TMEM132B: variants seen among roughly 807,000 people sequenced by gnomAD.
TMEM132B encodes the protein transmembrane protein 132B.
A neutral mutation model predicts 90.8 loss-of-function variants in TMEM132B; 18 were observed. The ratio of observed to expected loss-of-function variants is 0.20; its 90% CI spans 0.14 to 0.29. The LOEUF (loss-of-function observed/expected upper bound fraction) is 0.29. Ranked by LOEUF, TMEM132B falls within the 10% of genes least tolerant of loss-of-function variation. The probability of loss-of-function intolerance (pLI) is 1.00; values close to 1 mark genes in which losing one functional copy is unlikely to be tolerated. For missense variants in TMEM132B, 1,096 were observed against 1,326.8 expected (o/e 0.83, Z 2.70); for synonymous variants, 504 against 523.3 (o/e 0.96, Z 0.50).
Position 125,292,601 on chromosome 12 carries a change from A to G in TMEM132B, c.68-56851A>G, listed in dbSNP as rs150806596. Among the ~76,000 whole-genome samples, 356 of 152,358 alleles carry G rather than the reference A, an allele frequency of 2.3e-3. 1 individual carries two copies. The highest frequency in any genetic ancestry group is 0.01 in the Middle Eastern group (3 of 294). ...TGCAGTATCTGGGAGGGACAGCTTC[A>G]GGTATGGCTAAATCCAAGGACTCAA... On this transcript the variant is annotated intron_variant, in intron 1 of 8. Coordinates refer to ENST00000682704, the MANE Select transcript of TMEM132B (RefSeq NM_001366854.1).
chr12:125,254,621 T>A (rs1053760251), intron 1 of TMEM132B, among the ~76,000 whole-genome samples: 3 of 152,030 alleles, frequency 2.0e-5, no homozygotes, highest in African/African-American at 7.2e-5. Context: ...AATTGCGTAT[T>A]TGTTTAAGTG....
chr12:125,199,571 T>G (rs890212379), intron 1 of TMEM132B, among the ~76,000 whole-genome samples: 1 of 152,186 alleles, frequency 6.6e-6, no homozygotes, highest in African/African-American at 2.4e-5. Flanking sequence ...CTGTTCAGAT[T>G]GGGTTCATCA....
chr12:125,459,435 C>T lies in TMEM132B; in HGVS notation c.1106+43758C>T, dbSNP rs1469035299. On this transcript the variant is annotated intron_variant, in intron 3 of 8. Transcript: ENST00000682704. The surrounding 1 kb of genome is among the most constrained non-coding windows in gnomAD (Gnocchi z 4.1). Reference sequence around the variant, plus strand: ...GCCAGACACAGAAAGACAAACATTGCTTGTTCTCACTTATTTGTGGGATGT... The same window carrying T: ...GCCAGACACAGAAAGACAAACATTGTTTGTTCTCACTTATTTGTGGGATGT... 1.3e-5 allele frequency among the ~76,000 whole-genome samples: 2 copies of T among 152,080 alleles called. No homozygotes were observed. Among genetic ancestry groups the T allele is most frequent in the African/African-American group, 2.4e-5 (1 of 41,412 alleles).
chr12:125,492,586 CA>C lies in TMEM132B; in HGVS notation c.1107-26852del, dbSNP rs1168113280. Among the ~76,000 whole-genome samples, 1 of 152,128 alleles carries C rather than the reference CA, an allele frequency of 6.6e-6. No homozygotes were observed. Among genetic ancestry groups the C allele is most frequent in the African/African-American group, 2.4e-5 (1 of 41,414 alleles). ...CAGGACTCCTGGAGGCAGGTGCGTC[CA>C]GGGGCCCTGGGTGAGGAGGCTACGG... On this transcript the variant is annotated intron_variant, in intron 3 of 8. Coordinates refer to ENST00000682704, the MANE Select transcript of TMEM132B (RefSeq NM_001366854.1). The surrounding 1 kb of genome is among the most constrained non-coding windows in gnomAD (Gnocchi z 5.8).
intron 5 of TMEM132B, among the ~76,000 whole-genome samples, chr12:125,620,091 G>A (rs1431032712): frequency 6.6e-6 from 1 of 152,214 alleles, no homozygotes; most frequent in Non-Finnish European, 1.5e-5. Context: ...TAGTTGCGAT[G>A]TGTCAGCAGA....
intron 1 of TMEM132B, among the ~76,000 whole-genome samples, chr12:125,292,618 A>C (rs539890129): frequency 4.2e-4 from 64 of 152,344 alleles, no homozygotes; most frequent in African/African-American, 1.4e-3. Flanking sequence ...GCTAAATCCA[A>C]GGACTCAAAT....
At chr12:125,524,389 T>C (rs1313045398) in intron 4 of TMEM132B, among the ~76,000 whole-genome samples, 1 of 152,210 alleles carries the variant, frequency 6.6e-6, no homozygotes. Flanking sequence ...TCAATTATGA[T>C]TACCTTCGAG....
At chr12:125,576,980 A>T (rs1214859072) in intron 4 of TMEM132B, among the ~76,000 whole-genome samples, 14 of 146,348 alleles carry the variant, frequency 9.6e-5, no homozygotes, top group African/African-American at 1.0e-4. Flanking sequence ...TTTTTTTTTT[A>T]AATTAGGGTA....
intron 3 of TMEM132B, among the ~76,000 whole-genome samples, chr12:125,511,165 T>C (rs1882967858): frequency 6.6e-6 from 1 of 152,252 alleles, no homozygotes; most frequent in South Asian, 2.1e-4. Flanking sequence ...TATCCTCTCT[T>C]GTGACTGGCT....
intron 1 of TMEM132B, among the ~76,000 whole-genome samples, chr12:125,189,135 T>A (rs1957780346): frequency 1.3e-5 from 2 of 152,246 alleles, no homozygotes; most frequent in South Asian, 4.1e-4. Context: ...GTAGCTGCCA[T>A]GGTAAAGAGT....
intron 1 of TMEM132B, among the ~76,000 whole-genome samples, chr12:125,331,423 C>G (rs1245330395): frequency 2.6e-5 from 4 of 152,228 alleles, no homozygotes; most frequent in Non-Finnish European, 5.9e-5. Flanking sequence ...AGGGGAGGTG[C>G]TGTTTCTTTC....
intron 1 of TMEM132B, among the ~76,000 whole-genome samples, chr12:125,288,368 C>T (rs1187601413): frequency 6.8e-6 from 1 of 147,918 alleles, no homozygotes; most frequent in Non-Finnish European, 1.5e-5. Flanking sequence ...GAGGCTGAGG[C>T]AGGAGAATAG....
At chr12:125,558,585 A>C (rs964794092) in intron 4 of TMEM132B, among the ~76,000 whole-genome samples, 2 of 152,248 alleles carry the variant, frequency 1.3e-5, no homozygotes, top group Admixed American at 1.3e-4. Flanking sequence ...TTCACAATGC[A>C]GACTTTATTC....
intron 1 of TMEM132B, among the ~76,000 whole-genome samples, chr12:125,313,126 C>A (rs1341835392): frequency 1.3e-5 from 2 of 152,168 alleles, no homozygotes; most frequent in Admixed American, 1.3e-4. Context: ...AGCTGCCTAA[C>A]CTTTCTGTGC....
At chr12:125,307,786 A>ACTTGC (rs1876020168) in intron 1 of TMEM132B, among the ~76,000 whole-genome samples, 1 of 144,272 alleles carries the variant, frequency 6.9e-6, no homozygotes, top group South Asian at 2.1e-4. Context: ...CTTATAATAC[A>ACTTGC]AGTATATTAC....
chr12:125,272,512 A>G (rs1457370360), intron 1 of TMEM132B, among the ~76,000 whole-genome samples: 3 of 152,146 alleles, frequency 2.0e-5, no homozygotes, highest in Admixed American at 6.5e-5. Context: ...CAGGCACTGA[A>G]TAGCATCCAT....
In TMEM132B at chr12:125,511,850, T is replaced by TAAAAAA. The variant is rs1188465342; in HGVS notation, c.1107-7589_1107-7588insAAAAAA. 5.6e-5 allele frequency among the ~76,000 whole-genome samples: 5 copies of TAAAAAA among 89,730 alleles called. No individual in the cohort carries two copies. In the South Asian group the frequency reaches 1.5e-3, roughly 26 times the overall value. 58.9% of individuals were successfully genotyped at this position (89,730 alleles called of 152,430 possible). A position where few individuals can be genotyped will look rare whatever the true frequency, so the allele number is the denominator to read the frequency against. On this transcript the variant is annotated intron_variant, in intron 3 of 8. Coordinates refer to ENST00000682704, the MANE Select transcript of TMEM132B (RefSeq NM_001366854.1). The stretch of plus-strand genomic sequence containing the variant: ...CTGGGCGACAGAGCAAGACTCTATC[T>TAAAAAA]CAAAAAAAAAAAAAAAAAGAAAAGA...
intron 2 of TMEM132B, among the ~76,000 whole-genome samples, chr12:125,388,994 T>C (rs956209324): frequency 6.7e-6 from 1 of 150,368 alleles, no homozygotes; most frequent in Non-Finnish European, 1.5e-5. Context: ...ATTGCCCCTC[T>C]TTTCTTCCAT....
intron 3 of TMEM132B, among the ~76,000 whole-genome samples, chr12:125,442,966 C>T (rs1174696091): frequency 7.2e-5 from 11 of 152,166 alleles, no homozygotes; most frequent in East Asian, 1.9e-4. Flanking sequence ...GTGGGCTAAA[C>T]GATGGATGTG....
Sources: allele counts gnomAD v4.1 joint callset (sites outside exome capture counted in the v4.1 genomes callset), GRCh38; gene constraint gnomAD v4.1.1; non-coding constraint Gnocchi (gnomAD v3.1); transcripts MANE v1.5; gene names NCBI Gene and HGNC (gene_info 2026-07-23, HGNC 2026-07-21).